ATP13A4: variants seen among roughly 807,000 people sequenced by gnomAD.
ATP13A4 encodes ATPase 13A4, also known as probable cation-transporting ATPase 13A4.
Under a neutral mutation model 142.5 loss-of-function variants are expected in ATP13A4, and 114 were observed. That is an observed-to-expected ratio of 0.80 (90% CI 0.69 to 0.93). ATP13A4 has a LOEUF of 0.93. Ranked by LOEUF, ATP13A4 falls within the 40% of genes least tolerant of loss-of-function variation. The pLI is 0.00. For missense variants in ATP13A4, 1,392 were observed against 1,454.0 expected (o/e 0.96, Z 0.69); for synonymous variants, 488 against 514.8 (o/e 0.95, Z 0.70).
intron 1 of ATP13A4, among the ~76,000 whole-genome samples, chr3:193,518,530 G>C (rs1488975070): frequency 1.3e-5 from 2 of 152,190 alleles, no homozygotes; most frequent in African/African-American, 4.8e-5. Flanking sequence ...GGAATGAGAG[G>C]CCATACTGTT....
chr3:193,521,654 C>T (rs1721721812), intron 1 of ATP13A4, among the ~76,000 whole-genome samples: 1 of 151,780 alleles, frequency 6.6e-6, no homozygotes, highest in Non-Finnish European at 1.5e-5. Context: ...CACCTCCAGC[C>T]AGGTGCGATG....
At chr3:193,406,846 G>T (rs1714523392) in intron 29 of ATP13A4, among the ~76,000 whole-genome samples, 1 of 152,164 alleles carries the variant, frequency 6.6e-6, no homozygotes, top group Non-Finnish European at 1.5e-5. Context: ...AGGCCCAGGA[G>T]AAGGCAGAAG....
At chr3:193,552,265 C>A (rs550622081) in intron 1 of ATP13A4, among the ~76,000 whole-genome samples, 1 of 152,318 alleles carries the variant, frequency 6.6e-6, no homozygotes, top group East Asian at 1.9e-4. Context: ...AGCCACCATG[C>A]CCAGCCTGTT....
chr3:193,422,511 C>T (rs1415759186), intron 25 of ATP13A4, among the ~76,000 whole-genome samples: 1 of 149,628 alleles, frequency 6.7e-6, no homozygotes. Context: ...TTTTAAAAAT[C>T]AATTATCATA....
At position 193,491,334 on chromosome 3, in the gene ATP13A4, T is replaced by A. The variant is rs762416146; in HGVS notation, c.598A>T (p.Lys200Ter). 2 of 1,597,380 alleles carry A rather than the reference T, an allele frequency of 1.3e-6. No individual in the cohort carries two copies. Among genetic ancestry groups the A allele is most frequent in the Non-Finnish European group, 1.7e-6 (2 of 1,165,172 alleles). Residue 200 changes from lysine to a stop codon, truncating the protein, a stop_gained, in exon 6 of 30, where the codon AAG (lysine) becomes TAG (stop). Coordinates refer to ENST00000342695, the MANE Select transcript of ATP13A4 (RefSeq NM_032279.4). LOFTEE classifies it high-confidence loss of function. ...EVTPIWKLLI[K>*]EVLNPFYIFQ... is the part of the protein sequence containing the mutation. Reference sequence around the variant, plus strand: ...GAAAATGCTGGAGAAATTACCTCCTTGATGAGCAGTTTCCAAATTGGTGTA... The same window carrying A: ...GAAAATGCTGGAGAAATTACCTCCTAGATGAGCAGTTTCCAAATTGGTGTA...
intron 1 of ATP13A4, among the ~76,000 whole-genome samples, chr3:193,531,321 A>AGGGAAG (rs1722317677): frequency 8.6e-6 from 1 of 116,456 alleles, no homozygotes; most frequent in Non-Finnish European, 1.8e-5. Context: ...GAAGGAAGGA[A>AGGGAAG]GGAAGGAAGG....
intron 1 of ATP13A4, among the ~76,000 whole-genome samples, chr3:193,532,662 A>G (rs752347911): frequency 6.6e-6 from 1 of 152,034 alleles, no homozygotes; most frequent in Admixed American, 6.6e-5. Context: ...AGTCTTAAAA[A>G]TGTTCATAAT....
rs763255287 is a variant in ATP13A4 at position 193,466,172 on chromosome 3, A to C, written c.1125T>G (p.Thr375=). 3.1e-5 allele frequency: 50 copies of C among 1,613,840 alleles called. No homozygotes were observed. The highest frequency in any genetic ancestry group is 4.2e-5 in the Non-Finnish European group (50 of 1,179,896). The change falls in exon 11 of 30, where the codon ACT becomes ACG. Residue 375 remains threonine (T), a synonymous_variant. Coordinates refer to ENST00000342695, the MANE Select transcript of ATP13A4 (RefSeq NM_032279.4). ...RAVVLQTGFN[T]AKGDLVRSIL... is the part of the protein sequence containing the mutation. The stretch of plus-strand genomic sequence containing the variant: ...TGGATCTCACAAGGTCTCCCTTTGC[A>C]GTGTTGAATCCTGGAACAACAAACA...
chr3:193,531,271 TGAGGGAGGGAGG>T (rs1193661259), intron 1 of ATP13A4, among the ~76,000 whole-genome samples: 32 of 78,294 alleles, frequency 4.1e-4, no homozygotes, highest in African/African-American at 6.6e-4. Flanking sequence ...GCTCAATAAG[TGAGGGAGGGAGG>T]GAGGGAGGGA....
intron 14 of ATP13A4, among the ~76,000 whole-genome samples, chr3:193,458,175 A>G (rs1487244917): frequency 1.3e-5 from 2 of 152,236 alleles, no homozygotes. Context: ...TGTCTCTTTC[A>G]GTGGTGCTCA....
In ATP13A4 at chr3:193,472,000, C is replaced by T. The variant is rs561427034; in HGVS notation, c.809-1007G>A. 8.8e-4 allele frequency among the ~76,000 whole-genome samples: 134 copies of T among 152,100 alleles called. 1 individual carries two copies. Among genetic ancestry groups the T allele is most frequent in the Non-Finnish European group, 1.2e-3 (80 of 68,008 alleles). ...AAGGGCCCCCATGGTGGCAGTGGCC[C>T]GCTGTGGGATGTTGGGACCCGAGCA... On this transcript the variant is annotated intron_variant, in intron 8 of 29. Transcript: ENST00000342695.
chr3:193,472,744 C>T (rs1718698084), intron 8 of ATP13A4, among the ~76,000 whole-genome samples: 1 of 152,180 alleles, frequency 6.6e-6, no homozygotes, highest in South Asian at 2.1e-4. Flanking sequence ...AGACTCAGTA[C>T]TACCCATGGT....
chr3:193,517,160 C>T (rs962949121), intron 1 of ATP13A4, among the ~76,000 whole-genome samples: 1 of 152,218 alleles, frequency 6.6e-6, no homozygotes, highest in African/African-American at 2.4e-5. Flanking sequence ...TACTCCTATG[C>T]TCTTCTTTAT....
intron 1 of ATP13A4, among the ~76,000 whole-genome samples, chr3:193,583,091 G>C (rs1450412083): frequency 6.6e-6 from 1 of 150,440 alleles, no homozygotes; most frequent in Non-Finnish European, 1.5e-5. Context: ...TCACTGTGGA[G>C]CAGAATTGAA....
intron 27 of ATP13A4, among the ~76,000 whole-genome samples, chr3:193,411,329 T>C (rs959365258): frequency 6.6e-6 from 1 of 152,200 alleles, no homozygotes; most frequent in South Asian, 2.1e-4. Context: ...TAGGGTAACA[T>C]TGACAAAATA....
intron 1 of ATP13A4, among the ~76,000 whole-genome samples, chr3:193,585,456 C>CA (rs1724649710): frequency 6.7e-6 from 1 of 149,372 alleles, no homozygotes; most frequent in African/African-American, 2.5e-5. Flanking sequence ...AACAACAAAA[C>CA]AAAAAACATC....
At chr3:193,548,670 G>T (rs680211) in intron 1 of ATP13A4, among the ~76,000 whole-genome samples, 1 of 151,832 alleles carries the variant, frequency 6.6e-6, no homozygotes, top group Admixed American at 6.6e-5. Context: ...TTTTGCTCCC[G>T]GGTGTTAGAG....
chr3:193,481,361 T>C (rs1043181480), intron 8 of ATP13A4, among the ~76,000 whole-genome samples: 3 of 152,212 alleles, frequency 2.0e-5, no homozygotes, highest in Non-Finnish European at 2.9e-5. Flanking sequence ...ATTCTACATA[T>C]GTATATAATA....
intron 24 of ATP13A4, among the ~76,000 whole-genome samples, chr3:193,434,698 G>A (rs1360804048): frequency 6.6e-6 from 1 of 152,166 alleles, no homozygotes; most frequent in African/African-American, 2.4e-5. Context: ...CTGCCACACA[G>A]ATATCCAGAC....
Sources: gnomAD v4.1 joint callset for allele counts (sites outside exome capture counted in the v4.1 genomes callset) on GRCh38, gnomAD v4.1.1 for gene constraint, MANE v1.5 for transcripts, NCBI Gene and HGNC (gene_info 2026-07-23, HGNC 2026-07-21) for gene names.